The following DLG2 variants were observed in gnomAD, a reference collection of about 807,000 sequenced individuals.
The protein encoded by DLG2 is disks large homolog 2.
A neutral mutation model predicts 132.5 loss-of-function variants in DLG2; 45 were observed. That is an observed-to-expected ratio of 0.34 (90% confidence interval 0.27 to 0.44). DLG2 has a LOEUF of 0.44. Ranked by LOEUF, DLG2 falls within the 20% of genes least tolerant of loss-of-function variation. The probability of loss-of-function intolerance (pLI) is 1.00; values close to 1 mark genes in which losing one functional copy is unlikely to be tolerated. For synonymous variants in DLG2, 424 were observed against 419.6 expected (o/e 1.01, Z -0.13); for missense variants, 1,045 against 1,196.9 (o/e 0.87, Z 1.87).
chr11:85,475,610 T>C (rs182816390), intron 3 of DLG2, among the ~76,000 whole-genome samples: 176 of 152,262 alleles, frequency 1.2e-3, no homozygotes, highest in African/African-American at 4.1e-3. Context: ...AAGAGAATAC[T>C]ATTAGATAAT....
chr11:85,617,142 A>C (rs1020035134), intron 2 of DLG2, among the ~76,000 whole-genome samples: 1 of 152,224 alleles, frequency 6.6e-6, no homozygotes, highest in Non-Finnish European at 1.5e-5. Flanking sequence ...TTACAGACCA[A>C]GTCCAGCTCA....
At chr11:84,427,121 G>A (rs953640952) in intron 7 of DLG2, among the ~76,000 whole-genome samples, 2 of 152,074 alleles carry the variant, frequency 1.3e-5, no homozygotes, top group Non-Finnish European at 2.9e-5. Context: ...AGCCCAGGGG[G>A]ATAGTAGAGT....
chr11:85,216,051 G>A, intron 4 of DLG2, among the ~76,000 whole-genome samples: 1 of 150,954 alleles, frequency 6.6e-6, no homozygotes. Flanking sequence ...GCACAATGAT[G>A]TGCATTTGTA....
chr11:84,662,033 G>T (rs2099694936), intron 6 of DLG2, among the ~76,000 whole-genome samples: 1 of 151,984 alleles, frequency 6.6e-6, no homozygotes, highest in Admixed American at 6.6e-5. Flanking sequence ...TTTAGAAAGG[G>T]TCAGCTTGTA....
intron 19 of DLG2, among the ~76,000 whole-genome samples, chr11:83,593,812 T>C (rs1395756763): frequency 6.6e-6 from 1 of 151,372 alleles, no homozygotes; most frequent in African/African-American, 2.4e-5. Flanking sequence ...AATTATAATA[T>C]TCTCCAAGTC....
intron 16 of DLG2, among the ~76,000 whole-genome samples, chr11:83,853,803 C>A: frequency 6.6e-6 from 1 of 152,172 alleles, no homozygotes; most frequent in East Asian, 1.9e-4. Context: ...TTGAAGCTTT[C>A]CCACTAAGAT....
Position 85,353,177 on chromosome 11 carries a change from G to C in DLG2, c.41-67812C>G, listed in dbSNP as rs573153828. 1.1e-4 allele frequency among the ~76,000 whole-genome samples: 16 copies of C among 152,274 alleles called. No individual in the cohort carries two copies. In the Middle Eastern group the frequency reaches 0.01, roughly 97 times the overall value. On this transcript the variant is annotated intron_variant, in intron 3 of 27. Transcript: ENST00000376104. ...ACAACCCCATCAAAAAGTCGGCAAAGGATATGAACAGCCACTTCTTAAAAT... is the reference window on the plus strand; with the variant it reads ...ACAACCCCATCAAAAAGTCGGCAAACGATATGAACAGCCACTTCTTAAAAT...
At chr11:83,761,435 C>T (rs991670536) in intron 18 of DLG2, among the ~76,000 whole-genome samples, 1 of 152,152 alleles carries the variant, frequency 6.6e-6, no homozygotes, top group Non-Finnish European at 1.5e-5. Flanking sequence ...CAAGTTGATG[C>T]CTTAATTTAC....
At position 85,416,936 on chromosome 11, in the gene DLG2, C is replaced by A. The variant is rs1032255772; in HGVS notation, c.41-131571G>T. On this transcript the variant is annotated intron_variant, in intron 3 of 27. Coordinates refer to ENST00000376104, the MANE Select transcript of DLG2 (RefSeq NM_001142699.3). ...CTTCCTATTTGAATATGCTTTATTT[C>A]TTTCTCTTGCCTGATTGCCCTGGCC... Among the ~76,000 whole-genome samples, 3 of 152,150 alleles carry A rather than the reference C, an allele frequency of 2.0e-5. No homozygotes were observed. The East Asian group carries it at 5.8e-4, about 29-fold the overall frequency.
chr11:84,086,658 T>A (rs954649555), intron 10 of DLG2, among the ~76,000 whole-genome samples: 6 of 151,782 alleles, frequency 4.0e-5, no homozygotes, highest in African/African-American at 7.3e-5. Flanking sequence ...CCTGGCTAAT[T>A]TTTGTATTTT....
intron 7 of DLG2, among the ~76,000 whole-genome samples, chr11:84,423,328 A>C (rs942953349): frequency 1.3e-5 from 2 of 152,122 alleles, no homozygotes; most frequent in Non-Finnish European, 2.9e-5. Context: ...ATTTTGTCTC[A>C]CTTAGTACAC....
intron 14 of DLG2, among the ~76,000 whole-genome samples, chr11:83,940,752 C>T (rs1033996437): frequency 6.6e-6 from 1 of 152,182 alleles, no homozygotes; most frequent in Non-Finnish European, 1.5e-5. Flanking sequence ...TCAAGTCCGG[C>T]CCTATTCCTT....
At chr11:84,844,135 GTATATATA>G (rs74200849) in intron 6 of DLG2, among the ~76,000 whole-genome samples, 58 of 43,690 alleles carry the variant, frequency 1.3e-3, no homozygotes, top group East Asian at 3.7e-3. Context: ...GTGTGTGTGT[GTATATATA>G]TATATATATA....
chr11:84,313,576 A>T, intron 7 of DLG2, among the ~76,000 whole-genome samples: 1 of 142,720 alleles, frequency 7.0e-6, no homozygotes, highest in Non-Finnish European at 1.6e-5. Context: ...AGAGAGAGAG[A>T]GAGAGAAAGG....
intron 11 of DLG2, among the ~76,000 whole-genome samples, chr11:84,036,609 T>G (rs1398743489): frequency 6.6e-6 from 1 of 152,144 alleles, no homozygotes; most frequent in Non-Finnish European, 1.5e-5. Flanking sequence ...ACTGAGGAAT[T>G]GCATTGATGA....
At chr11:85,475,057 C>G (rs1021637343) in intron 3 of DLG2, among the ~76,000 whole-genome samples, 1 of 151,314 alleles carries the variant, frequency 6.6e-6, no homozygotes, top group African/African-American at 2.4e-5. Flanking sequence ...TAAGATAAGC[C>G]TCTGGCAAAA....
chr11:84,441,052 TG>T (rs1293377671), intron 7 of DLG2, among the ~76,000 whole-genome samples: 4 of 152,080 alleles, frequency 2.6e-5, no homozygotes, highest in African/African-American at 9.7e-5. Flanking sequence ...AAAAATTAAT[TG>T]TACAAAGATT....
chr11:83,900,897 C>G (rs2073220287), intron 15 of DLG2, among the ~76,000 whole-genome samples: 1 of 152,126 alleles, frequency 6.6e-6, no homozygotes, highest in Non-Finnish European at 1.5e-5. Flanking sequence ...TCAAGCCAGC[C>G]CATGAAGACA....
intron 19 of DLG2, among the ~76,000 whole-genome samples, chr11:83,626,327 T>C (rs1001885086): frequency 2.6e-5 from 4 of 152,154 alleles, no homozygotes; most frequent in Non-Finnish European, 4.4e-5. Context: ...CTGCATACTA[T>C]TTGGATTGCC....
Sources: allele counts gnomAD v4.1 joint callset (sites outside exome capture counted in the v4.1 genomes callset), GRCh38; gene constraint gnomAD v4.1.1; transcripts MANE v1.5; gene names NCBI Gene and HGNC (gene_info 2026-07-23, HGNC 2026-07-21).